The following FHIT variants were observed in gnomAD, a reference collection of about 807,000 sequenced individuals.
FHIT encodes the protein fragile histidine triad diadenosine triphosphatase, also known as bis(5'-adenosyl)-triphosphatase.
Under a neutral mutation model 17.9 loss-of-function variants are expected in FHIT, and 19 were observed. The ratio of observed to expected loss-of-function variants is 1.06; its 90% confidence interval spans 0.74 to 1.56. FHIT has a LOEUF of 1.56. FHIT is among the 40% of genes most tolerant of loss of function. The pLI is 0.00. For missense variants in FHIT, 248 were observed against 189.2 expected, an observed-to-expected ratio of 1.31 and a Z score of -1.82; for synonymous variants, 81 against 69.7, an observed-to-expected ratio of 1.16 and a Z score of -0.81.
chr3:61,184,102 T>A (rs1449854674), intron 2 of FHIT, among the ~76,000 whole-genome samples: 1 of 152,016 alleles, frequency 6.6e-6, no homozygotes, highest in Non-Finnish European at 1.5e-5. Flanking sequence ...GCCTATAATA[T>A]TTTTCAGACA....
intron 3 of FHIT, among the ~76,000 whole-genome samples, chr3:60,925,430 T>C (rs1389523387): frequency 2.6e-5 from 4 of 152,184 alleles, no homozygotes; most frequent in Non-Finnish European, 5.9e-5. Flanking sequence ...AAAAGAATTT[T>C]CAACCCAGAA....
intron 5 of FHIT, among the ~76,000 whole-genome samples, chr3:60,500,646 C>T (rs2034485947): frequency 6.6e-6 from 1 of 151,162 alleles, no homozygotes; most frequent in South Asian, 2.1e-4. Flanking sequence ...GGTGGTGCAC[C>T]CCTGTAATCC....
chr3:60,096,163 A>C (rs1403284235), intron 5 of FHIT, among the ~76,000 whole-genome samples: 2 of 152,166 alleles, frequency 1.3e-5, no homozygotes, highest in East Asian at 3.9e-4. Flanking sequence ...TGACTTGCAC[A>C]CTAGTTCCCA....
At chr3:59,930,115 G>C (rs1159439337) in intron 7 of FHIT, among the ~76,000 whole-genome samples, 1 of 152,130 alleles carries the variant, frequency 6.6e-6, no homozygotes, top group African/African-American at 2.4e-5. Context: ...CAAGGTGTGA[G>C]GGAACTAGCG....
chr3:59,898,671 C>A (rs546316450), intron 8 of FHIT, among the ~76,000 whole-genome samples: 1 of 151,566 alleles, frequency 6.6e-6, no homozygotes, highest in Admixed American at 6.6e-5. Flanking sequence ...TACTTTTAGT[C>A]CACTGTTGTC....
intron 4 of FHIT, among the ~76,000 whole-genome samples, chr3:60,717,800 C>T (rs1435647403): frequency 6.6e-6 from 1 of 152,106 alleles, no homozygotes; most frequent in African/African-American, 2.4e-5. Context: ...TTTCAAGGAA[C>T]TACTTAGCCA....
intron 5 of FHIT, among the ~76,000 whole-genome samples, chr3:60,457,232 G>C (rs181108110): frequency 5.9e-5 from 9 of 151,962 alleles, no homozygotes; most frequent in African/African-American, 2.2e-4. Context: ...CCAAAACAGA[G>C]ATATAGACCA....
chr3:61,062,993 T>C (rs1965143), intron 2 of FHIT, among the ~76,000 whole-genome samples: 83,270 of 151,730 alleles, frequency 0.55, 23,993 homozygotes, highest in Non-Finnish European at 0.65. Flanking sequence ...CTTCATCATC[T>C]TCGTCAAGAT....
At chr3:60,048,295 G>C (rs574664794) in intron 5 of FHIT, among the ~76,000 whole-genome samples, 1 of 152,220 alleles carries the variant, frequency 6.6e-6, no homozygotes, top group African/African-American at 2.4e-5. Context: ...TCCTGCCTCA[G>C]CCTCCCGAGT....
intron 5 of FHIT, among the ~76,000 whole-genome samples, chr3:60,105,280 C>T (rs4679511): frequency 0.3 from 45,425 of 152,024 alleles, 7,418 homozygotes; most frequent in East Asian, 0.52. Context: ...ATTTCAGAGA[C>T]AGTAAGATTT....
chr3:60,540,536 A>T (rs140730188), intron 4 of FHIT, among the ~76,000 whole-genome samples: 1 of 152,294 alleles, frequency 6.6e-6, no homozygotes, highest in African/African-American at 2.4e-5. Flanking sequence ...ATCAAAGGAC[A>T]TCCAGCTGGT....
intron 5 of FHIT, among the ~76,000 whole-genome samples, chr3:60,056,552 G>A (rs2630163): frequency 0.039 from 5,896 of 152,276 alleles, 172 homozygotes; most frequent in South Asian, 0.093. Context: ...ATTGATTCAA[G>A]TGCATTACCC....
chr3:60,166,079 T>C (rs1269158894), intron 5 of FHIT, among the ~76,000 whole-genome samples: 2 of 152,170 alleles, frequency 1.3e-5, no homozygotes, highest in Non-Finnish European at 2.9e-5. Flanking sequence ...TGTGCTCTTT[T>C]TTCTACCTCC....
chr3:60,247,050 T>A (rs1331921102), intron 5 of FHIT, among the ~76,000 whole-genome samples: 1 of 152,082 alleles, frequency 6.6e-6, no homozygotes, highest in African/African-American at 2.4e-5. Context: ...TGAACCCTAA[T>A]AGAAACTATG....
chr3:60,926,156 A>G (rs1472514665), intron 3 of FHIT, among the ~76,000 whole-genome samples: 2 of 152,150 alleles, frequency 1.3e-5, no homozygotes, highest in South Asian at 4.1e-4. Flanking sequence ...ACGAGACAGA[A>G]AGTTAACAAG....
chr3:60,887,170 A>G (rs1217782402), intron 3 of FHIT, among the ~76,000 whole-genome samples: 1 of 150,738 alleles, frequency 6.6e-6, no homozygotes, highest in East Asian at 1.9e-4. Flanking sequence ...GGCCTTGGCC[A>G]TCTAAGAAGC....
intron 1 of FHIT, among the ~76,000 whole-genome samples, chr3:61,202,648 T>C (rs1204470863): frequency 1.3e-5 from 2 of 152,090 alleles, no homozygotes; most frequent in Non-Finnish European, 2.9e-5. Flanking sequence ...TACTTTCATA[T>C]ATCAGAATGA....
chr3:60,029,745 G>A (rs1424406014), intron 5 of FHIT, among the ~76,000 whole-genome samples: 1 of 152,148 alleles, frequency 6.6e-6, no homozygotes, highest in Non-Finnish European at 1.5e-5. Flanking sequence ...GAAGACAAAG[G>A]TTTTTAAAGG....
intron 3 of FHIT, among the ~76,000 whole-genome samples, chr3:60,921,741 C>A (rs1233124153): frequency 1.3e-5 from 2 of 152,128 alleles, no homozygotes; most frequent in Non-Finnish European, 2.9e-5. Flanking sequence ...TATGATCAGA[C>A]CTTCCCTTTG....
Sources: allele counts gnomAD v4.1 joint callset (sites outside exome capture counted in the v4.1 genomes callset), GRCh38; gene constraint gnomAD v4.1.1; transcripts MANE v1.5; gene names NCBI Gene and HGNC (gene_info 2026-07-23, HGNC 2026-07-21).